Variants in ACSL1 observed in about 807,000 individuals in gnomAD.
ACSL1 encodes long-chain-fatty-acid--CoA ligase 1.
ACSL1 carries 41 observed loss-of-function variants against 98.4 expected under a neutral mutation model. The ratio of observed to expected loss-of-function variants is 0.42; its 90% CI spans 0.32 to 0.54. The LOEUF (loss-of-function observed/expected upper bound fraction) is 0.54. ACSL1 is among the 20% of genes least tolerant of loss of function. The probability of loss-of-function intolerance (pLI) is 0.13; values close to 1 mark genes in which losing one functional copy is unlikely to be tolerated. For synonymous variants in ACSL1, 316 were observed against 322.7 expected (o/e 0.98, Z 0.22); for missense variants, 734 against 883.1 (o/e 0.83, Z 2.14).
In ACSL1 at chr4:184,766,515, A is replaced by T; in HGVS notation, c.1263+107T>A. On this transcript the variant is annotated intron_variant, in intron 13 of 20. Transcript: ENST00000281455. The surrounding 1 kb of genome is among the most constrained non-coding windows in gnomAD (Gnocchi z 4.8). ...GTGCCAGAATTAACAAAAACATGTTATTCTCTCCCTTACCTTCATCTCTCC... is the reference window on the plus strand; with the variant it reads ...GTGCCAGAATTAACAAAAACATGTTTTTCTCTCCCTTACCTTCATCTCTCC... 1 of 1,417,774 alleles carries T rather than the reference A, an allele frequency of 7.1e-7. No homozygotes were observed. The highest frequency in any genetic ancestry group is 9.6e-7 in the Non-Finnish European group (1 of 1,046,206). 87.8% of individuals were successfully genotyped at this position (1,417,774 alleles called of 1,614,324 possible). A position where few individuals can be genotyped will look rare whatever the true frequency, so the allele number is the denominator to read the frequency against.
intron 3 of ACSL1, among the ~76,000 whole-genome samples, chr4:184,786,039 T>C (rs1193596979): frequency 1.3e-5 from 2 of 152,066 alleles, no homozygotes; most frequent in Admixed American, 1.3e-4. Context: ...GGTGTGAGTA[T>C]GAGTCTCCCT....
intron 11 of ACSL1, among the ~76,000 whole-genome samples, 196 bp from the exon 12 acceptor site, chr4:184,768,646 G>C (rs1162992327): frequency 6.6e-6 from 1 of 152,102 alleles, no homozygotes; most frequent in Non-Finnish European, 1.5e-5. Context: ...ATTTCTCTTG[G>C]TTATCCTGAA....
rs568221839 is a variant in ACSL1, at chr4:184,780,215, C to T, written c.477+117G>A. 298 of 894,420 alleles carry T rather than the reference C, an allele frequency of 3.3e-4. 2 individuals carry two copies. The South Asian group carries it at 4.0e-3, about 12-fold the overall frequency. 55.4% of individuals were successfully genotyped at this position (894,420 alleles called of 1,614,324 possible). On this transcript the variant is annotated intron_variant, in intron 5 of 20. Coordinates refer to ENST00000281455, the MANE Select transcript of ACSL1 (RefSeq NM_001995.5). ...ATATGTGTAACTTTCTAAGGTGTAA[C>T]GTAAAGCTATACTTTTAGTAGAAAT...
intron 5 of ACSL1, among the ~76,000 whole-genome samples, chr4:184,777,938 G>A (rs370173103): frequency 2.6e-5 from 4 of 152,324 alleles, no homozygotes; most frequent in East Asian, 3.9e-4. Flanking sequence ...GCAAAACAGC[G>A]GCTGTGGGGC....
chr4:184,756,910 G>T lies in ACSL1; in HGVS notation c.*215C>A. Reference sequence around the variant, plus strand: ...ATTTTTAAGGCTCATTTTGGAAAGTGTGTATTACCATAAACATGGTCTGCA... The same window carrying T: ...ATTTTTAAGGCTCATTTTGGAAAGTTTGTATTACCATAAACATGGTCTGCA... On this transcript the variant is annotated 3_prime_UTR_variant, in exon 21 of 21. Coordinates refer to ENST00000281455, the MANE Select transcript of ACSL1 (RefSeq NM_001995.5). 1 of 490,158 alleles carries T rather than the reference G, an allele frequency of 2.0e-6. No individual in the cohort carries two copies. 30.4% of individuals were successfully genotyped at this position (490,158 alleles called of 1,614,324 possible).
chr4:184,796,381 C>T (rs184669173), intron 2 of ACSL1, among the ~76,000 whole-genome samples: 16 of 152,320 alleles, frequency 1.1e-4, no homozygotes, highest in East Asian at 9.6e-4. Flanking sequence ...AGAACCCTGA[C>T]TAATACACCA....
chr4:184,815,356 C>T (rs1772534052), intron 1 of ACSL1, among the ~76,000 whole-genome samples: 1 of 152,048 alleles, frequency 6.6e-6, no homozygotes, highest in African/African-American at 2.4e-5. Flanking sequence ...GGAGCCTCTG[C>T]CTCTCTCTCT....
intron 1 of ACSL1, chr4:184,821,093 AG>A (rs1279871181): frequency 1.5e-5 from 7 of 456,178 alleles, no homozygotes; most frequent in Admixed American, 7.0e-5. Flanking sequence ...GGTACTAATG[AG>A]TTAACCCATC....
rs1224807350 is a variant in ACSL1, at chr4:184,825,465, C to T, written c.-33+451G>A. The stretch of plus-strand genomic sequence containing the variant: ...GGCGCGAGTGCAGTCTCGCCCCACG[C>T]GCGGTCCGAACGCCCGCGAGCCCGG... On this transcript the variant is annotated intron_variant, in intron 1 of 20. Coordinates refer to ENST00000281455, the MANE Select transcript of ACSL1 (RefSeq NM_001995.5). This position sits in a 1 kb window ranked among gnomAD's most constrained non-coding sequence, Gnocchi z 4.7. Among the ~76,000 whole-genome samples the T allele has an allele frequency of 6.6e-6, 1 of 151,948 alleles. No homozygotes were observed. The highest frequency in any genetic ancestry group is 1.5e-5 in the Non-Finnish European group (1 of 67,924).
rs12374289 is a variant in ACSL1, at chr4:184,766,533, A to C, written c.1263+89T>G. ...ACATGTTATTCTCTCCCTTACCTTCATCTCTCCCTCTCACAAAAAAGGCCC... is the reference window on the plus strand; with the variant it reads ...ACATGTTATTCTCTCCCTTACCTTCCTCTCTCCCTCTCACAAAAAAGGCCC... On this transcript the variant is annotated intron_variant, in intron 13 of 20. Coordinates refer to ENST00000281455, the MANE Select transcript of ACSL1 (RefSeq NM_001995.5). This position sits in a 1 kb window ranked among gnomAD's most constrained non-coding sequence, Gnocchi z 4.8. 364,597 of 1,490,564 alleles carry C rather than the reference A, an allele frequency of 0.24. 45,580 individuals are homozygous for C. Among genetic ancestry groups the C allele is most frequent in the Middle Eastern group, 0.3 (1,247 of 4,222 alleles). 92.3% of individuals were successfully genotyped at this position (1,490,564 alleles called of 1,614,324 possible). A position where few individuals can be genotyped will look rare whatever the true frequency, so the allele number is the denominator to read the frequency against.
At position 184,766,448 on chromosome 4, in the gene ACSL1, A is replaced by C. The variant is rs1204839379; in HGVS notation, c.1263+174T>G. 6.6e-6 allele frequency among the ~76,000 whole-genome samples: 1 copy of C among 152,212 alleles called. No homozygotes were observed. The highest frequency in any genetic ancestry group is 2.4e-5 in the African/African-American group (1 of 41,458). Reference sequence around the variant, plus strand: ...TGGCTGCAATACTATTGATCTTAGAAACTGAGGCCTCCTTAATGGCTTTGC... The same window carrying C: ...TGGCTGCAATACTATTGATCTTAGACACTGAGGCCTCCTTAATGGCTTTGC... On this transcript the variant is annotated intron_variant, in intron 13 of 20. Transcript: ENST00000281455. The surrounding 1 kb of genome is among the most constrained non-coding windows in gnomAD (Gnocchi z 4.8).
Position 184,766,003 on chromosome 4 carries a change from G to A in ACSL1, c.1264-17C>T, listed in dbSNP as rs2150289783. On this transcript the variant is annotated splice_polypyrimidine_tract_variant and intron_variant, in intron 13 of 20. Transcript: ENST00000281455. This position sits in a 1 kb window ranked among gnomAD's most constrained non-coding sequence, Gnocchi z 4.8. Reference sequence around the variant, plus strand: ...CAGGCTCGACTTTCAGGGAGGGAGAGTGGGAGAAGGTGAGGGTTACACACC... The same window carrying A: ...CAGGCTCGACTTTCAGGGAGGGAGAATGGGAGAAGGTGAGGGTTACACACC... 1 of 1,612,526 alleles carries A rather than the reference G, an allele frequency of 6.2e-7. No individual in the cohort carries two copies. The highest frequency in any genetic ancestry group is 2.2e-5 in the East Asian group (1 of 44,858).
chr4:184,820,483 G>A (rs148262224), intron 1 of ACSL1, among the ~76,000 whole-genome samples: 121 of 152,308 alleles, frequency 7.9e-4, no homozygotes, highest in Middle Eastern at 3.4e-3. Flanking sequence ...CACTCTAGTG[G>A]TATAAAGAGA....
chr4:184,816,904 T>G (rs1268826246), intron 1 of ACSL1, among the ~76,000 whole-genome samples: 6 of 152,090 alleles, frequency 3.9e-5, no homozygotes, highest in African/African-American at 9.7e-5. Flanking sequence ...AATATTGACT[T>G]GAAGCATCCA....
intron 1 of ACSL1, among the ~76,000 whole-genome samples, chr4:184,810,499 A>G (rs1455491237): frequency 1.3e-5 from 2 of 152,238 alleles, no homozygotes; most frequent in Non-Finnish European, 2.9e-5. Context: ...TGGATAACAG[A>G]GTAGCAGTAA....
At chr4:184,813,563 T>C (rs1772331648) in intron 1 of ACSL1, 1 of 236,220 alleles carries the variant, frequency 4.2e-6, no homozygotes. Context: ...AGAGTCGGAA[T>C]TGTGTCTCTA....
At position 184,825,269 on chromosome 4, in the gene ACSL1, T is replaced by C; in HGVS notation, c.-33+647A>G. On this transcript the variant is annotated intron_variant, in intron 1 of 20. Coordinates refer to ENST00000281455, the MANE Select transcript of ACSL1 (RefSeq NM_001995.5). This position sits in a 1 kb window ranked among gnomAD's most constrained non-coding sequence, Gnocchi z 4.7. Reference sequence around the variant, plus strand: ...GCCAGGTGACAGACATCATCTTTGCTTCTCAATTTCAAAAAATGCCAGCAC... The same window carrying C: ...GCCAGGTGACAGACATCATCTTTGCCTCTCAATTTCAAAAAATGCCAGCAC... 2.0e-6 allele frequency: 2 copies of C among 985,344 alleles called. No individual in the cohort carries two copies. Among genetic ancestry groups the C allele is most frequent in the Non-Finnish European group, 2.4e-6 (2 of 829,854 alleles). The allele number at this position is 985,344 out of a possible 1,614,324, so 61.0% of individuals were successfully genotyped here.
At chr4:184,820,276 C>A (rs1366459518) in intron 1 of ACSL1, among the ~76,000 whole-genome samples, 1 of 152,232 alleles carries the variant, frequency 6.6e-6, no homozygotes, top group Non-Finnish European at 1.5e-5. Flanking sequence ...CTCGGCCTCC[C>A]AAAGTGCTGG....
At position 184,803,492 on chromosome 4, in the gene ACSL1, C is replaced by T. The variant is rs201421906; in HGVS notation, c.23G>A (p.Arg8Gln). ...AACCAGCTCTGGCATTCGAAAATAC[C>T]GGAACAGCTCATGGGCTTGCATTGT... MQAHELF[R>Q]YFRMPELVDF... Residue 8 changes from arginine (R) to glutamine (Q), a missense_variant, in exon 2 of 21, where the codon CGG becomes CAG. By Grantham distance (43) the Arg-to-Gln change is conservative (BLOSUM62 1). Coordinates refer to ENST00000281455, the MANE Select transcript of ACSL1 (RefSeq NM_001995.5). The surrounding 1 kb of genome is among the most constrained non-coding windows in gnomAD (Gnocchi z 4.8). The T allele has an allele frequency of 2.2e-5, 35 of 1,599,648 alleles. No individual in the cohort carries two copies. Among genetic ancestry groups the T allele is most frequent in the East Asian group, 4.5e-5 (2 of 44,612 alleles).
Sources: allele counts gnomAD v4.1 joint callset (sites outside exome capture counted in the v4.1 genomes callset), GRCh38; gene constraint gnomAD v4.1.1; non-coding constraint Gnocchi (gnomAD v3.1); transcripts MANE v1.5; gene names NCBI Gene and HGNC (gene_info 2026-07-23, HGNC 2026-07-21).